Variants in STARD3NL observed in about 807,000 individuals in gnomAD.
STARD3NL encodes STARD3 N-terminal like.
Under a neutral mutation model 30.9 loss-of-function variants are expected in STARD3NL, and 17 were observed. The observed-to-expected ratio is 0.55, with a 90% CI of 0.38 to 0.82. The LOEUF (loss-of-function observed/expected upper bound fraction) is 0.82. Among genes scored for constraint, STARD3NL ranks in the 40% least tolerant of loss-of-function variants. STARD3NL has a pLI of 0.00. For missense variants in STARD3NL, 234 were observed against 277.6 expected, an observed-to-expected ratio of 0.84 and a Z score of 1.12; for synonymous variants, 112 against 100.5, an observed-to-expected ratio of 1.11 and a Z score of -0.69.
chr7:38,199,156 T>C (rs1583792297), intron 1 of STARD3NL, among the ~76,000 whole-genome samples: 1 of 152,318 alleles, frequency 6.6e-6, no homozygotes, highest in South Asian at 2.1e-4. Context: ...TCCCACACAG[T>C]TGGGATAAAT....
chr7:38,213,218 C>T (rs1270709961), intron 2 of STARD3NL, among the ~76,000 whole-genome samples: 1 of 152,110 alleles, frequency 6.6e-6, no homozygotes, highest in East Asian at 1.9e-4. Context: ...AGTAATGAGA[C>T]TAAATGGTTG....
At chr7:38,197,640 A>G (rs867822539) in intron 1 of STARD3NL, among the ~76,000 whole-genome samples, 1 of 152,176 alleles carries the variant, frequency 6.6e-6, no homozygotes, top group East Asian at 1.9e-4. Flanking sequence ...TGAATTTGAC[A>G]TATCAGTTTT....
intron 1 of STARD3NL, among the ~76,000 whole-genome samples, chr7:38,202,445 T>G (rs1397252908): frequency 1.3e-5 from 2 of 152,148 alleles, no homozygotes; most frequent in Non-Finnish European, 2.9e-5. Flanking sequence ...TGCCTCTCAT[T>G]GTAAACATAT....
chr7:38,198,320 T>C (rs1246254128), intron 1 of STARD3NL: 1 of 152,078 alleles, frequency 6.6e-6, no homozygotes, highest in African/African-American at 2.4e-5. Context: ...AACTGGAGAG[T>C]GCGTGCCCCA....
chr7:38,191,703 G>C (rs60206415), intron 1 of STARD3NL, among the ~76,000 whole-genome samples: 6,538 of 152,072 alleles, frequency 0.043, 447 homozygotes, highest in African/African-American at 0.15. Context: ...ATATATGTGT[G>C]GGCCTATTTA....
In STARD3NL at chr7:38,228,795, G is replaced by A. The variant is rs777266145; in HGVS notation, c.650-4G>A. On this transcript the variant is annotated splice_polypyrimidine_tract_variant and splice_region_variant and intron_variant, in intron 7 of 8. Coordinates refer to ENST00000009041, the MANE Select transcript of STARD3NL (RefSeq NM_032016.4). ...TTTTCTTTGTCCCCTTCTCCACCACGTAGGATCTGAAGAAGCTGAAGAAAA... is the reference window on the plus strand; with the variant it reads ...TTTTCTTTGTCCCCTTCTCCACCACATAGGATCTGAAGAAGCTGAAGAAAA... 1.2e-6 allele frequency: 2 copies of A among 1,611,664 alleles called. No homozygotes were observed. Among genetic ancestry groups the A allele is most frequent in the South Asian group, 1.1e-5 (1 of 90,876 alleles).
rs149800623 is a variant in STARD3NL, at chr7:38,191,739, C to T, written c.-59+13319C>T. Among the ~76,000 whole-genome samples, 668 of 152,030 alleles carry T rather than the reference C, an allele frequency of 4.4e-3. 2 individuals are homozygous for T. The highest frequency in any genetic ancestry group is 0.015 in the African/African-American group (618 of 41,452). ...TATACTCTCTATTATGTTCTATTGA[C>T]CTATTTGTTTATTCTTATGCTAGTA... On this transcript the variant is annotated intron_variant, in intron 1 of 8. Coordinates refer to ENST00000009041, the MANE Select transcript of STARD3NL (RefSeq NM_032016.4).
chr7:38,200,322 C>G (rs1715628354), intron 1 of STARD3NL, among the ~76,000 whole-genome samples: 1 of 152,136 alleles, frequency 6.6e-6, no homozygotes, highest in African/African-American at 2.4e-5. Context: ...CCTGTCTGCC[C>G]TTAACCTGCT....
In STARD3NL at chr7:38,215,086, G is replaced by A. The variant is rs750591308; in HGVS notation, c.362G>A (p.Arg121His). 15 of 1,613,818 alleles carry A rather than the reference G, an allele frequency of 9.3e-6. No individual in the cohort carries two copies. The highest frequency in any genetic ancestry group is 6.7e-5 in the Admixed American group (4 of 59,962). ...CTTGCATATGCTGTGTGCAGACTGC[G>A]CCATTGGTGGGCAATAGCGGTGAGT... ...LILAYAVCRL[R>H]HWWAIALTTA... The change falls in exon 4 of 9, where the codon CGC (arginine) becomes CAC (histidine). Residue 121 changes from arginine to histidine, a missense_variant. Physicochemically the swap from Arg to His is conservative, Grantham distance 29 (BLOSUM62 0). Transcript: ENST00000009041.
chr7:38,203,420 G>A (rs1368399658), intron 1 of STARD3NL, among the ~76,000 whole-genome samples: 1 of 152,160 alleles, frequency 6.6e-6, no homozygotes, highest in Non-Finnish European at 1.5e-5. Flanking sequence ...TTACAGATAA[G>A]CAAATGCTGA....
chr7:38,179,197 C>A (rs1046411162), intron 1 of STARD3NL: 3 of 152,204 alleles, frequency 2.0e-5, no homozygotes, highest in Admixed American at 6.5e-5. Flanking sequence ...GTCCAGTTTG[C>A]CACATTTCCT....
chr7:38,198,037 A>T (rs1204096138), intron 1 of STARD3NL, among the ~76,000 whole-genome samples: 5 of 152,216 alleles, frequency 3.3e-5, no homozygotes. Context: ...GGTCACAGCC[A>T]TGGCAGTCTG....
At chr7:38,197,192 C>CTTTCTTTCTT (rs1204389395) in intron 1 of STARD3NL, among the ~76,000 whole-genome samples, 1 of 143,080 alleles carries the variant, frequency 7.0e-6, no homozygotes, top group African/African-American at 2.7e-5. Context: ...TTCTTTCTTT[C>CTTTCTTTCTT]TTTTTCTCTC....
intron 1 of STARD3NL, among the ~76,000 whole-genome samples, chr7:38,202,917 G>A (rs997970782): frequency 6.6e-6 from 1 of 151,828 alleles, no homozygotes; most frequent in African/African-American, 2.4e-5. Flanking sequence ...CATTTTTTAT[G>A]GCTGCATAGT....
chr7:38,188,852 G>A (rs1282902853), intron 1 of STARD3NL, among the ~76,000 whole-genome samples: 1 of 152,092 alleles, frequency 6.6e-6, no homozygotes, highest in East Asian at 1.9e-4. Flanking sequence ...TAGAAATTGC[G>A]TTGCTTTAAA....
intron 1 of STARD3NL, among the ~76,000 whole-genome samples, chr7:38,202,820 G>A (rs1481629506): frequency 1.4e-5 from 2 of 147,628 alleles, no homozygotes; most frequent in South Asian, 4.3e-4. Context: ...GAGAACATGC[G>A]GTGTTTGGTT....
At chr7:38,189,749 A>G (rs937021012) in intron 1 of STARD3NL, among the ~76,000 whole-genome samples, 1 of 152,226 alleles carries the variant, frequency 6.6e-6, no homozygotes. Context: ...AACTACCTCC[A>G]TTTGTGTTTA....
At chr7:38,195,986 A>G (rs557018157) in intron 1 of STARD3NL, among the ~76,000 whole-genome samples, 1 of 152,356 alleles carries the variant, frequency 6.6e-6, no homozygotes, top group African/African-American at 2.4e-5. Flanking sequence ...TCAGCAGCTT[A>G]AAGAGCCCAC....
At chr7:38,213,171 T>C (rs1785907743) in intron 2 of STARD3NL, among the ~76,000 whole-genome samples, 1 of 152,158 alleles carries the variant, frequency 6.6e-6, no homozygotes, top group Admixed American at 6.5e-5. Context: ...TCTTATAATA[T>C]TCTGGATGTT....
Sources: allele counts gnomAD v4.1 joint callset (sites outside exome capture counted in the v4.1 genomes callset), GRCh38; gene constraint gnomAD v4.1.1; transcripts MANE v1.5; gene names NCBI Gene and HGNC (gene_info 2026-07-23, HGNC 2026-07-21).